Variants in DLG2 observed in about 807,000 individuals in gnomAD.
DLG2 encodes discs large MAGUK scaffold protein 2.
DLG2 carries 45 observed loss-of-function variants against 132.5 expected under a neutral mutation model. The ratio of observed to expected loss-of-function variants is 0.34; its 90% CI spans 0.27 to 0.44. The LOEUF is 0.44. Ranked by LOEUF, DLG2 falls within the 20% of genes least tolerant of loss-of-function variation. The probability of loss-of-function intolerance (pLI) is 1.00; values close to 1 mark genes in which losing one functional copy is unlikely to be tolerated. For synonymous variants in DLG2, 424 were observed against 419.6 expected, an observed-to-expected ratio of 1.01 and a Z score of -0.13; for missense variants, 1,045 against 1,196.9, an observed-to-expected ratio of 0.87 and a Z score of 1.87.
At chr11:84,050,808 G>T (rs1245518212) in intron 11 of DLG2, among the ~76,000 whole-genome samples, 1 of 151,882 alleles carries the variant, frequency 6.6e-6, no homozygotes, top group East Asian at 1.9e-4. Flanking sequence ...TGTCAGGTTT[G>T]TCAAAGATCA....
At chr11:84,609,446 C>T (rs901486324) in intron 6 of DLG2, among the ~76,000 whole-genome samples, 1 of 152,052 alleles carries the variant, frequency 6.6e-6, no homozygotes, top group African/African-American at 2.4e-5. Context: ...CCGTAATTCT[C>T]GCAGTTTTTG....
chr11:84,701,909 A>G (rs965236620), intron 6 of DLG2, among the ~76,000 whole-genome samples: 1 of 151,384 alleles, frequency 6.6e-6, no homozygotes, highest in Non-Finnish European at 1.5e-5. Context: ...TGTGGTCTCT[A>G]TGTTTCCCCC....
chr11:85,081,079 G>T (rs1181976974), intron 6 of DLG2, among the ~76,000 whole-genome samples: 2 of 151,940 alleles, frequency 1.3e-5, no homozygotes, highest in Non-Finnish European at 1.5e-5. Context: ...AAACAAACAG[G>T]AATTATTTTG....
intron 18 of DLG2, among the ~76,000 whole-genome samples, chr11:83,714,880 A>G (rs2153670068): frequency 6.6e-6 from 1 of 152,334 alleles, no homozygotes; most frequent in Non-Finnish European, 1.5e-5. Context: ...AGAACAAGAA[A>G]TGTCATTTGA....
At chr11:85,609,456 C>T (rs971123260) in intron 2 of DLG2, among the ~76,000 whole-genome samples, 1 of 152,174 alleles carries the variant, frequency 6.6e-6, no homozygotes, top group Admixed American at 6.5e-5. Context: ...GACAAACAAA[C>T]TTTGGTGGTT....
At chr11:83,769,073 C>T (rs1052552691) in intron 18 of DLG2, among the ~76,000 whole-genome samples, 2 of 152,210 alleles carry the variant, frequency 1.3e-5, no homozygotes, top group African/African-American at 4.8e-5. Flanking sequence ...ATAATGATAA[C>T]AAGTATTATA....
At chr11:84,260,998 G>A (rs2097541741) in intron 7 of DLG2, among the ~76,000 whole-genome samples, 2 of 152,180 alleles carry the variant, frequency 1.3e-5, no homozygotes, top group Admixed American at 1.3e-4. Context: ...TTCACTCTAT[G>A]TGGTGCTATT....
Position 84,839,093 on chromosome 11 carries a change from C to T in DLG2, c.357+272568G>A, listed in dbSNP as rs559152225. Among the ~76,000 whole-genome samples the T allele has an allele frequency of 2.5e-4, 38 of 152,084 alleles. 1 individual carries two copies. The South Asian group carries it at 7.7e-3, about 31-fold the overall frequency. The stretch of plus-strand genomic sequence containing the variant: ...TGACATGAGTGGATATTTAGAAAAC[C>T]CCATCGTCTCAGCCCAAAATCTCCT... On this transcript the variant is annotated intron_variant, in intron 6 of 27. Coordinates refer to ENST00000376104, the MANE Select transcript of DLG2 (RefSeq NM_001142699.3).
intron 7 of DLG2, among the ~76,000 whole-genome samples, chr11:84,416,445 A>G (rs1345427718): frequency 6.6e-6 from 1 of 152,224 alleles, no homozygotes; most frequent in Non-Finnish European, 1.5e-5. Flanking sequence ...GTAATTTAAA[A>G]CAACAGTAAC....
chr11:83,786,628 A>G (rs2040009403), intron 18 of DLG2, 62 bp downstream of exon 18: 5 of 1,396,760 alleles, frequency 3.6e-6, no homozygotes, highest in Middle Eastern at 1.8e-4. Flanking sequence ...AATTATTAGT[A>G]ATGAGGGTAC....
chr11:83,792,815 G>A (rs1353249019), intron 17 of DLG2, among the ~76,000 whole-genome samples: 1 of 152,084 alleles, frequency 6.6e-6, no homozygotes, highest in Non-Finnish European at 1.5e-5. Context: ...TCATCTAACA[G>A]TAAGTTGTTG....
At chr11:85,252,991 C>G (rs2076474306) in intron 4 of DLG2, among the ~76,000 whole-genome samples, 1 of 152,084 alleles carries the variant, frequency 6.6e-6, no homozygotes, top group Non-Finnish European at 1.5e-5. Flanking sequence ...AATTCTAAAC[C>G]TATTGTTAAA....
intron 22 of DLG2, among the ~76,000 whole-genome samples, chr11:83,476,932 CAAT>C (rs1481810347): frequency 6.6e-6 from 1 of 152,016 alleles, no homozygotes; most frequent in Non-Finnish European, 1.5e-5. Flanking sequence ...CATCTAAGGG[CAAT>C]AGTTGAGAAT....
At chr11:85,108,498 T>C (rs509179) in intron 6 of DLG2, among the ~76,000 whole-genome samples, 23,904 of 152,084 alleles carry the variant, frequency 0.16, 2,157 homozygotes, top group South Asian at 0.3. Flanking sequence ...TTCATACATA[T>C]CATAGTTTTT....
At chr11:85,097,244 T>G (rs1211890193) in intron 6 of DLG2, among the ~76,000 whole-genome samples, 1 of 152,172 alleles carries the variant, frequency 6.6e-6, no homozygotes, top group East Asian at 1.9e-4. Flanking sequence ...CAAGACTCTA[T>G]TCCCTTCTTT....
chr11:84,650,738 C>T (rs1012422805), intron 6 of DLG2, among the ~76,000 whole-genome samples: 6 of 151,616 alleles, frequency 4.0e-5, no homozygotes, highest in Non-Finnish European at 8.8e-5. Context: ...CAGAGGCTCT[C>T]CCAATAAGTA....
At chr11:84,187,113 C>T (rs1362340852) in intron 8 of DLG2, among the ~76,000 whole-genome samples, 4 of 148,906 alleles carry the variant, frequency 2.7e-5, no homozygotes, top group African/African-American at 9.8e-5. Context: ...AATATTATAT[C>T]TTTATATAAA....
intron 6 of DLG2, among the ~76,000 whole-genome samples, chr11:84,706,089 C>T (rs1338772035): frequency 2.6e-5 from 4 of 151,768 alleles, no homozygotes; most frequent in African/African-American, 7.2e-5. Flanking sequence ...GAAGAGATGA[C>T]ACAAATTGAG....
chr11:84,300,801 G>C (rs959200537), intron 7 of DLG2, among the ~76,000 whole-genome samples: 1 of 152,128 alleles, frequency 6.6e-6, no homozygotes, highest in Non-Finnish European at 1.5e-5. Context: ...ATTTTACAAA[G>C]ATAAAAACAT....
Sources: allele counts gnomAD v4.1 joint callset (sites outside exome capture counted in the v4.1 genomes callset), GRCh38; gene constraint gnomAD v4.1.1; transcripts MANE v1.5; gene names NCBI Gene and HGNC (gene_info 2026-07-23, HGNC 2026-07-21).